The following KLHL1 variants were observed in gnomAD, a reference collection of about 807,000 sequenced individuals.
KLHL1 encodes kelch-like protein 1.
In KLHL1, 47 loss-of-function variants were observed where a neutral mutation model predicts 77.7. The observed-to-expected ratio is 0.60, with a 90% CI of 0.48 to 0.77. The LOEUF (loss-of-function observed/expected upper bound fraction) is 0.77, where lower values mean the gene tolerates loss of function less well. Among genes scored for constraint, KLHL1 ranks in the 30% least tolerant of loss-of-function variants. The probability of loss-of-function intolerance (pLI) is 0.00; values close to 1 mark genes in which losing one functional copy is unlikely to be tolerated. For missense variants in KLHL1, 925 were observed against 910.8 expected, an observed-to-expected ratio of 1.02 and a Z score of -0.20; for synonymous variants, 360 against 325.2, an observed-to-expected ratio of 1.11 and a Z score of -1.15.
chr13:69,789,980 C>T (rs1240995663), intron 7 of KLHL1, among the ~76,000 whole-genome samples: 1 of 152,036 alleles, frequency 6.6e-6, no homozygotes, highest in Non-Finnish European at 1.5e-5. Context: ...TCCATAGAAA[C>T]ATCTTTGTCC....
intron 1 of KLHL1, among the ~76,000 whole-genome samples, chr13:70,012,668 T>C (rs1885563415): frequency 6.6e-6 from 1 of 152,096 alleles, no homozygotes; most frequent in African/African-American, 2.4e-5. Context: ...CCCAGCACTT[T>C]GGGAGGCTGA....
At chr13:69,954,732 A>C (rs1278313964) in intron 3 of KLHL1, among the ~76,000 whole-genome samples, 1 of 151,254 alleles carries the variant, frequency 6.6e-6, no homozygotes, top group African/African-American at 2.4e-5. Context: ...AAATTGAAAT[A>C]GTTTTTATTG....
intron 1 of KLHL1, among the ~76,000 whole-genome samples, chr13:70,004,464 A>G (rs1268594572): frequency 1.3e-5 from 2 of 151,924 alleles, no homozygotes. Context: ...GCTTGATTCT[A>G]TAGCAATTGC....
At chr13:70,032,302 G>C (rs1338343259) in intron 1 of KLHL1, among the ~76,000 whole-genome samples, 1 of 152,146 alleles carries the variant, frequency 6.6e-6, no homozygotes, top group Non-Finnish European at 1.5e-5. Flanking sequence ...AGCTTGGATA[G>C]GAGAAGTGTT....
In KLHL1 at chr13:69,812,688, A is replaced by G. The variant is rs371345848; in HGVS notation, c.1415-15726T>C. 6.2e-3 allele frequency among the ~76,000 whole-genome samples: 944 copies of G among 151,958 alleles called. 15 individuals carry two copies. Among genetic ancestry groups the G allele is most frequent in the African/African-American group, 0.022 (902 of 41,336 alleles). On this transcript the variant is annotated intron_variant, in intron 6 of 10. Transcript: ENST00000377844. The stretch of plus-strand genomic sequence containing the variant: ...ATGAACAGGCATTTCTGAAAAGAAG[A>G]CATTTATGCAGCCAAAAAACACATG...
intron 1 of KLHL1, among the ~76,000 whole-genome samples, chr13:70,034,358 T>G (rs2137370594): frequency 6.6e-6 from 1 of 152,298 alleles, no homozygotes; most frequent in South Asian, 2.1e-4. Flanking sequence ...TATTCCAAAC[T>G]AGATTCTTTA....
chr13:69,817,113 A>G (rs911416211), intron 6 of KLHL1, among the ~76,000 whole-genome samples: 1 of 152,170 alleles, frequency 6.6e-6, no homozygotes, highest in African/African-American at 2.4e-5. Flanking sequence ...CAAATAAAAT[A>G]TTTATTTTTA....
At chr13:69,897,564 C>G (rs910399865) in intron 4 of KLHL1, among the ~76,000 whole-genome samples, 7 of 152,118 alleles carry the variant, frequency 4.6e-5, no homozygotes, top group African/African-American at 1.7e-4. Flanking sequence ...TTAAACCTAG[C>G]GAGGGACATT....
In KLHL1 at chr13:69,947,045, TG is replaced by T. The variant is rs1262605184; in HGVS notation, c.818-6810del. On this transcript the variant is annotated intron_variant, in intron 3 of 10. Coordinates refer to ENST00000377844, the MANE Select transcript of KLHL1 (RefSeq NM_020866.3). Reference sequence around the variant, plus strand: ...TGTGTGTGTTGTGTGTGTGTGTGTGTGTGTGTGTGTGTGTGTGTGTGTGTGT... The same window carrying T: ...TGTGTGTGTTGTGTGTGTGTGTGTGTTGTGTGTGTGTGTGTGTGTGTGTGT... 8.2e-5 allele frequency among the ~76,000 whole-genome samples: 12 copies of T among 146,302 alleles called. No individual in the cohort carries two copies. The South Asian group carries it at 2.7e-3, about 33-fold the overall frequency.
At chr13:69,995,201 C>A (rs1885121455) in intron 1 of KLHL1, among the ~76,000 whole-genome samples, 1 of 151,904 alleles carries the variant, frequency 6.6e-6, no homozygotes, top group Admixed American at 6.6e-5. Flanking sequence ...ACTCCCAAGG[C>A]CTACACTATT....
intron 4 of KLHL1, among the ~76,000 whole-genome samples, chr13:69,938,513 A>G (rs1453861958): frequency 6.6e-6 from 1 of 152,098 alleles, no homozygotes; most frequent in Non-Finnish European, 1.5e-5. Context: ...TATTTTCATT[A>G]TTAAATTAAT....
chr13:69,965,543 C>T (rs1884188319), intron 2 of KLHL1, among the ~76,000 whole-genome samples: 1 of 152,176 alleles, frequency 6.6e-6, no homozygotes, highest in African/African-American at 2.4e-5. Context: ...AATAACCCTG[C>T]AATGCCCTCT....
chr13:69,819,351 CTG>C (rs1448800055), intron 6 of KLHL1, among the ~76,000 whole-genome samples: 3 of 152,198 alleles, frequency 2.0e-5, no homozygotes, highest in Admixed American at 1.3e-4. Context: ...CATTAAAAGA[CTG>C]TAATACACTC....
At chr13:69,784,123 C>G (rs1876380631) in intron 7 of KLHL1, among the ~76,000 whole-genome samples, 1 of 151,838 alleles carries the variant, frequency 6.6e-6, no homozygotes, top group Non-Finnish European at 1.5e-5. Context: ...ACTTTACAGA[C>G]AAGCAAATGC....
chr13:70,053,870 C>A (rs1886684486), intron 1 of KLHL1, among the ~76,000 whole-genome samples: 1 of 152,098 alleles, frequency 6.6e-6, no homozygotes, highest in African/African-American at 2.4e-5. Context: ...CTGCCTACTC[C>A]TTCTTACTGT....
In KLHL1 at chr13:69,701,645, C is replaced by A; in HGVS notation, c.*57G>T. ...TCTGGAAGTTCTCATTCTTGCCATT[C>A]AATATAAAAATAACCACTCCAGCAA... On this transcript the variant is annotated 3_prime_UTR_variant, in exon 11 of 11. Coordinates refer to ENST00000377844, the MANE Select transcript of KLHL1 (RefSeq NM_020866.3). 8.2e-7 allele frequency: 1 copy of A among 1,217,318 alleles called. No homozygotes were observed. Among genetic ancestry groups the A allele is most frequent in the South Asian group, 1.3e-5 (1 of 77,898 alleles). 75.4% of individuals were successfully genotyped at this position (1,217,318 alleles called of 1,614,324 possible).
At chr13:70,082,874 CAG>C (rs920737935) in intron 1 of KLHL1, among the ~76,000 whole-genome samples, 1 of 152,094 alleles carries the variant, frequency 6.6e-6, no homozygotes, top group Non-Finnish European at 1.5e-5. Context: ...AGCATAGAAA[CAG>C]AAAACAAAAT....
intron 7 of KLHL1, among the ~76,000 whole-genome samples, chr13:69,743,660 C>T (rs998733773): frequency 6.6e-6 from 1 of 151,818 alleles, no homozygotes; most frequent in African/African-American, 2.4e-5. Context: ...GTGATGCGTG[C>T]CTGTAATCCC....
At chr13:69,776,515 C>T (rs1336723653) in intron 7 of KLHL1, among the ~76,000 whole-genome samples, 2 of 152,134 alleles carry the variant, frequency 1.3e-5, no homozygotes, top group East Asian at 3.9e-4. Context: ...GTTTTAATAT[C>T]TATCATTCTA....
Sources: allele counts gnomAD v4.1 joint callset (sites outside exome capture counted in the v4.1 genomes callset), GRCh38; gene constraint gnomAD v4.1.1; transcripts MANE v1.5; gene names NCBI Gene and HGNC (gene_info 2026-07-23, HGNC 2026-07-21).